FAM120B: variants seen among roughly 807,000 people sequenced by gnomAD.
The protein encoded by FAM120B is family with sequence similarity 120 member B, also known as constitutive coactivator of peroxisome proliferator-activated receptor gamma.
FAM120B carries 83 observed loss-of-function variants against 96.3 expected under a neutral mutation model. The observed-to-expected ratio is 0.86, with a 90% CI of 0.72 to 1.03. FAM120B has a LOEUF of 1.03. FAM120B is among the 50% of genes least tolerant of loss of function. The probability of loss-of-function intolerance (pLI) is 0.00; values close to 1 mark genes in which losing one functional copy is unlikely to be tolerated. For missense variants in FAM120B, 1,027 were observed against 1,121.2 expected (o/e 0.92, Z 1.20); for synonymous variants, 407 against 402.7 (o/e 1.01, Z -0.13).
At chr6:170,339,778 C>CA (rs35932232) in intron 4 of FAM120B, among the ~76,000 whole-genome samples, 969 of 90,062 alleles carry the variant, frequency 0.011, 6 homozygotes, top group Middle Eastern at 0.032. Context: ...GACTCCATCT[C>CA]AAAAAAAAAA....
intron 6 of FAM120B, among the ~76,000 whole-genome samples, chr6:170,387,772 C>T (rs1179114072): frequency 6.6e-6 from 1 of 152,138 alleles, no homozygotes; most frequent in Non-Finnish European, 1.5e-5. Flanking sequence ...CTCATAATTA[C>T]AACAATTATG....
chr6:170,322,999 G>A, intron 2 of FAM120B, 80 bp from the exon 3 acceptor site: 3 of 1,227,134 alleles, frequency 2.4e-6, no homozygotes, highest in Non-Finnish European at 3.3e-6. Flanking sequence ...GGCATATGAT[G>A]AAAGGCATTG....
intron 6 of FAM120B, among the ~76,000 whole-genome samples, chr6:170,372,075 A>C (rs1789232025): frequency 6.6e-6 from 1 of 152,206 alleles, no homozygotes; most frequent in Non-Finnish European, 1.5e-5. Flanking sequence ...ATATGAGTAA[A>C]ATAAAATTTT....
chr6:170,392,950 G>A (rs892317340), intron 8 of FAM120B, among the ~76,000 whole-genome samples: 1 of 152,146 alleles, frequency 6.6e-6, no homozygotes, highest in Non-Finnish European at 1.5e-5. Context: ...AAACAAAGTT[G>A]ATTTATTGCA....
intron 1 of FAM120B, among the ~76,000 whole-genome samples, chr6:170,299,541 T>C (rs1003724735): frequency 2.0e-5 from 3 of 152,244 alleles, no homozygotes; most frequent in Non-Finnish European, 4.4e-5. Flanking sequence ...GCTCACCTCA[T>C]TTGTTTTCCT....
At chr6:170,367,531 C>CAT (rs1788877252) in intron 6 of FAM120B, among the ~76,000 whole-genome samples, 2 of 152,266 alleles carry the variant, frequency 1.3e-5, no homozygotes, top group African/African-American at 4.8e-5. Flanking sequence ...TTCCATCTGG[C>CAT]TCTTTCCAGA....
At chr6:170,314,968 C>A (rs549842160) in intron 1 of FAM120B, among the ~76,000 whole-genome samples, 23 of 152,372 alleles carry the variant, frequency 1.5e-4, no homozygotes, top group Admixed American at 6.5e-4. Context: ...ACCAGCAACT[C>A]TGGGAACTGC....
intron 6 of FAM120B, among the ~76,000 whole-genome samples, chr6:170,380,436 C>G (rs1789835782): frequency 6.6e-6 from 1 of 152,196 alleles, no homozygotes; most frequent in African/African-American, 2.4e-5. Context: ...ATACTGTTTT[C>G]TATAATGGCT....
chr6:170,392,528 G>A (rs1178534273), intron 8 of FAM120B, among the ~76,000 whole-genome samples: 1 of 152,322 alleles, frequency 6.6e-6, no homozygotes, highest in East Asian at 1.9e-4. Context: ...AGTGAAGTTA[G>A]ATATCTTATT....
intron 1 of FAM120B, among the ~76,000 whole-genome samples, chr6:170,297,145 C>T (rs540141521): frequency 1.4e-4 from 22 of 152,318 alleles, no homozygotes; most frequent in African/African-American, 5.3e-4. Context: ...CTGGAGTGGC[C>T]CCTGGGCCTG....
chr6:170,339,445 A>G (rs577905148), intron 4 of FAM120B, among the ~76,000 whole-genome samples: 4 of 152,134 alleles, frequency 2.6e-5, no homozygotes, highest in Non-Finnish European at 4.4e-5. Flanking sequence ...TTTGGATTCA[A>G]TTTAAAAAAA....
intron 5 of FAM120B, among the ~76,000 whole-genome samples, chr6:170,354,923 T>C (rs930962177): frequency 5.9e-5 from 9 of 152,056 alleles, no homozygotes; most frequent in African/African-American, 2.2e-4. Flanking sequence ...AGTGAGACTC[T>C]ATCTCAAAAA....
chr6:170,294,173 G>A (rs953019082), upstream of FAM120B, among the ~76,000 whole-genome samples: 7 of 152,200 alleles, frequency 4.6e-5, no homozygotes, highest in East Asian at 1.2e-3. This position sits in a 1 kb window ranked among gnomAD's most constrained non-coding sequence, Gnocchi z 7.9. Flanking sequence ...GCTTGCCTCA[G>A]TGTTGGCCCC....
chr6:170,396,367 G>A (rs1049638278), intron 9 of FAM120B, among the ~76,000 whole-genome samples: 2 of 152,156 alleles, frequency 1.3e-5, no homozygotes, highest in Admixed American at 6.5e-5. Context: ...GTTGAGTACC[G>A]TGTCCTTTCC....
chr6:170,310,030 A>G (rs774231819), intron 1 of FAM120B, among the ~76,000 whole-genome samples: 20 of 152,104 alleles, frequency 1.3e-4, no homozygotes, highest in African/African-American at 2.4e-4. Context: ...TTTCTGTCCT[A>G]TTGTTTCCTT....
At chr6:170,293,922 A>G (rs1783941584), upstream of FAM120B, among the ~76,000 whole-genome samples, 2 of 152,178 alleles carry the variant, frequency 1.3e-5, no homozygotes, top group South Asian at 4.1e-4. Flanking sequence ...CTCGAGGTCC[A>G]ACTATTCATC....
chr6:170,327,736 C>T lies in FAM120B; in HGVS notation c.1916-2713C>T, dbSNP rs192466776. ...TACACACTGCACATGCAGGCTGCTC[C>T]GGTGAGTCCATGAGTGAATGAAGAG... On this transcript the variant is annotated intron_variant, in intron 3 of 10. Coordinates refer to ENST00000476287, the MANE Select transcript of FAM120B (RefSeq NM_032448.3). 1.3e-3 allele frequency among the ~76,000 whole-genome samples: 185 copies of T among 142,714 alleles called. 2 individuals carry two copies. The East Asian group carries it at 0.024, about 19-fold the overall frequency. The allele number at this position is 142,714 out of a possible 152,430, so 93.6% of individuals were successfully genotyped here.
intron 4 of FAM120B, among the ~76,000 whole-genome samples, chr6:170,342,155 T>G (rs917932743): frequency 3.3e-5 from 5 of 152,176 alleles, no homozygotes; most frequent in African/African-American, 1.2e-4. Context: ...TTTTCTGAGT[T>G]TTTTTGGTTT....
At position 170,348,207 on chromosome 6, in the gene FAM120B, C is replaced by A. The variant is rs760003891; in HGVS notation, c.2074C>A (p.Arg692=). 1.2e-6 allele frequency: 2 copies of A among 1,613,892 alleles called. No homozygotes were observed. Among genetic ancestry groups the A allele is most frequent in the Non-Finnish European group, 1.7e-6 (2 of 1,179,962 alleles). ...GAACCAAGAGCCAGAAATACAGGTT[C>A]GGCGCTTGGACACACTCCTAGCCTG... ...WLNQEPEIQV[R]RLDTLLACFN... is the part of the protein sequence containing the mutation. The change falls in exon 5 of 11, where the codon CGG becomes AGG. Residue 692 remains arginine, a synonymous_variant. Transcript: ENST00000476287.
Sources: gnomAD v4.1 joint callset for allele counts (sites outside exome capture counted in the v4.1 genomes callset) on GRCh38, gnomAD v4.1.1 for gene constraint, Gnocchi (gnomAD v3.1) non-coding constraint, MANE v1.5 for transcripts, NCBI Gene and HGNC (gene_info 2026-07-23, HGNC 2026-07-21) for gene names.